ANO1: variants seen among roughly 807,000 people sequenced by gnomAD.
ANO1 encodes the protein anoctamin 1.
ANO1 carries 59 observed loss-of-function variants against 124.0 expected under a neutral mutation model. That is an observed-to-expected ratio of 0.48 (90% CI 0.39 to 0.59). ANO1 has a LOEUF of 0.59. Ranked by LOEUF, ANO1 falls within the 20% of genes least tolerant of loss-of-function variation. ANO1 has a pLI of 0.00. For synonymous variants in ANO1, 529 were observed against 532.0 expected (o/e 0.99, Z 0.08); for missense variants, 1,059 against 1,328.0 (o/e 0.80, Z 3.15).
At chr11:70,064,708 C>T (rs1269262152) in intron 1 of ANO1, 1 of 152,262 alleles carries the variant, frequency 6.6e-6, no homozygotes, top group Middle Eastern at 3.1e-3. Context: ...CGTCTGTGGG[C>T]CTGATGCTGA....
chr11:70,120,779 C>T (rs1408312805), intron 8 of ANO1, among the ~76,000 whole-genome samples: 2 of 152,126 alleles, frequency 1.3e-5, no homozygotes, highest in African/African-American at 4.8e-5. Context: ...CAGGGGGTTT[C>T]GACAAGAGAG....
intron 1 of ANO1, among the ~76,000 whole-genome samples, chr11:69,994,977 A>T (rs1856231332): frequency 1.3e-5 from 2 of 152,268 alleles, no homozygotes; most frequent in African/African-American, 2.4e-5. Flanking sequence ...AGCTCTACAG[A>T]ATTATTGCAA....
chr11:70,130,350 C>T (rs970879684), intron 10 of ANO1, among the ~76,000 whole-genome samples: 1 of 152,210 alleles, frequency 6.6e-6, no homozygotes, highest in Non-Finnish European at 1.5e-5. Context: ...GTTCAGGCCA[C>T]CCAACTTCCA....
At chr11:70,062,612 C>A (rs781997236) in intron 1 of ANO1, among the ~76,000 whole-genome samples, 1 of 152,140 alleles carries the variant, frequency 6.6e-6, no homozygotes, top group Non-Finnish European at 1.5e-5. Context: ...TGTCCCCCTC[C>A]CCTGGACTAC....
intron 1 of ANO1, among the ~76,000 whole-genome samples, chr11:70,002,492 T>C (rs1856402599): frequency 1.6e-5 from 2 of 124,130 alleles, no homozygotes; most frequent in Admixed American, 8.2e-5. Context: ...AAAAAAACAC[T>C]TACGATTATG....
At chr11:70,014,420 C>T (rs528884180) in intron 1 of ANO1, among the ~76,000 whole-genome samples, 3 of 152,260 alleles carry the variant, frequency 2.0e-5, no homozygotes, top group South Asian at 2.1e-4. Flanking sequence ...CTTGTGTGCC[C>T]GACTCCTTTC....
intron 17 of ANO1, 100 bp downstream of exon 17, chr11:70,161,462 G>A (rs929938383): frequency 2.8e-6 from 4 of 1,450,642 alleles, no homozygotes; most frequent in East Asian, 2.3e-5. Context: ...ACTTCTCTGG[G>A]CCCCAGCTCC....
At position 70,169,488 on chromosome 11, in the gene ANO1, G is replaced by A. The variant is rs373930244; in HGVS notation, c.2198-1399G>A. On this transcript the variant is annotated intron_variant, in intron 21 of 25. Coordinates refer to ENST00000355303, the MANE Select transcript of ANO1 (RefSeq NM_018043.7). ...TCCCTCCCAGGCCCCAGCCCTGGCA[G>A]CGCCTCCAGCTCCCTGGTCATACCC... Among the ~76,000 whole-genome samples, 831 of 136,102 alleles carry A rather than the reference G, an allele frequency of 6.1e-3. 7 individuals are homozygous for A. The highest frequency in any genetic ancestry group is 0.025 in the South Asian group (94 of 3,784). The allele number at this position is 136,102 out of a possible 152,430, so 89.3% of individuals were successfully genotyped here. A position where few individuals can be genotyped will look rare whatever the true frequency, so the allele number is the denominator to read the frequency against.
At chr11:70,006,021 G>A (rs1332267816) in intron 1 of ANO1, among the ~76,000 whole-genome samples, 1 of 152,154 alleles carries the variant, frequency 6.6e-6, no homozygotes, top group African/African-American at 2.4e-5. Context: ...ACTCTGGGGT[G>A]GCAGGTGTAA....
intron 1 of ANO1, among the ~76,000 whole-genome samples, chr11:70,029,001 C>T (rs1329567967): frequency 2.0e-5 from 3 of 152,126 alleles, no homozygotes; most frequent in Admixed American, 6.5e-5. Flanking sequence ...AGGCTGCTCT[C>T]GAACTCCTGA....
chr11:70,169,213 C>G (rs1388429842), intron 21 of ANO1, among the ~76,000 whole-genome samples: 1 of 152,144 alleles, frequency 6.6e-6, no homozygotes, highest in Admixed American at 6.5e-5. Flanking sequence ...CATCACGTCC[C>G]GAGTTCCTGA....
intron 22 of ANO1, 38 bp downstream of exon 22, chr11:70,171,077 T>C: frequency 2.5e-6 from 4 of 1,598,478 alleles, no homozygotes; most frequent in Non-Finnish European, 2.6e-6. Context: ...CGGTTCCGAG[T>C]GCGTGCTGGG....
chr11:70,025,559 AATG>A (rs571946477), intron 1 of ANO1, among the ~76,000 whole-genome samples: 10 of 143,012 alleles, frequency 7.0e-5, no homozygotes, highest in South Asian at 4.5e-4. Flanking sequence ...TGGTGATGAC[AATG>A]ATGATGATGA....
chr11:70,058,727 T>A (rs1555007244), intron 1 of ANO1, among the ~76,000 whole-genome samples: 1 of 152,212 alleles, frequency 6.6e-6, no homozygotes, highest in African/African-American at 2.4e-5. Flanking sequence ...AAAAGTACTG[T>A]CCAGTCCTCT....
intron 1 of ANO1, among the ~76,000 whole-genome samples, chr11:70,079,207 A>G (rs894282495): frequency 2.0e-5 from 3 of 151,936 alleles, no homozygotes; most frequent in African/African-American, 7.2e-5. Context: ...CTGCTTCACT[A>G]TCCTCTGGGG....
intron 16 of ANO1, among the ~76,000 whole-genome samples, chr11:70,160,382 CCAGA>C (rs370654143): frequency 2.4e-4 from 37 of 152,144 alleles, no homozygotes; most frequent in South Asian, 1.0e-3. Context: ...GTGAGGGAGC[CCAGA>C]CAGACAGACA....
chr11:69,966,593 AGCGATGGAAGAGCTG>A, the ANO1 span, among the ~76,000 whole-genome samples: 1 of 151,908 alleles, frequency 6.6e-6, no homozygotes. Context: ...TGGAGGAAAG[AGCGATGGAAGAGCTG>A]GCGATGGAGG....
At chr11:70,089,377 A>C (rs901508076) in intron 2 of ANO1, among the ~76,000 whole-genome samples, 1 of 152,202 alleles carries the variant, frequency 6.6e-6, no homozygotes, top group Non-Finnish European at 1.5e-5. Context: ...TAGACCAAAA[A>C]GCAGGTTAAT....
chr11:70,025,441 T>C (rs1856877099), intron 1 of ANO1, among the ~76,000 whole-genome samples: 1 of 151,514 alleles, frequency 6.6e-6, no homozygotes, highest in Non-Finnish European at 1.5e-5. Context: ...GTAATGGTGA[T>C]GACAGTGAAG....
Sources: allele counts gnomAD v4.1 joint callset (sites outside exome capture counted in the v4.1 genomes callset), GRCh38; gene constraint gnomAD v4.1.1; transcripts MANE v1.5; gene names NCBI Gene and HGNC (gene_info 2026-07-23, HGNC 2026-07-21).